Variants in TMC1 observed in about 807,000 individuals in gnomAD.
TMC1 encodes transmembrane channel like 1.
In TMC1, 84 loss-of-function variants were observed where a neutral mutation model predicts 105.8. That is an observed-to-expected ratio of 0.79 (90% CI 0.67 to 0.95). The LOEUF (loss-of-function observed/expected upper bound fraction) is 0.95, where lower values mean the gene tolerates loss of function less well. Among genes scored for constraint, TMC1 ranks in the 40% least tolerant of loss-of-function variants. The pLI is 0.00. For synonymous variants in TMC1, 315 were observed against 311.5 expected (o/e 1.01, Z -0.12); for missense variants, 817 against 914.1 (o/e 0.89, Z 1.37).
chr9:72,575,736 T>C (rs1824368377), intron 1 of TMC1, among the ~76,000 whole-genome samples: 1 of 152,182 alleles, frequency 6.6e-6, no homozygotes, highest in Non-Finnish European at 1.5e-5. Flanking sequence ...GGGGTGGCCC[T>C]GGGTCCTTGA....
chr9:72,796,122 G>C lies in TMC1; in HGVS notation c.1566+3770G>C, dbSNP rs138859206. On this transcript the variant is annotated intron_variant, in intron 17 of 23. Transcript: ENST00000297784. Reference sequence around the variant, plus strand: ...AAGAAGGGCATTACATAATGGTAAAGGGTTCAATGCAACAAGAAGACCTAA... The same window carrying C: ...AAGAAGGGCATTACATAATGGTAAACGGTTCAATGCAACAAGAAGACCTAA... Among the ~76,000 whole-genome samples, 934 of 152,148 alleles carry C rather than the reference G, an allele frequency of 6.1e-3. 2 individuals carry two copies. Among genetic ancestry groups the C allele is most frequent in the Non-Finnish European group, 0.01 (691 of 67,998 alleles).
At chr9:72,610,680 A>G (rs1250039027) in intron 2 of TMC1, among the ~76,000 whole-genome samples, 2 of 152,198 alleles carry the variant, frequency 1.3e-5, no homozygotes, top group South Asian at 2.1e-4. Context: ...CCTCACAGAC[A>G]CACCTAGAAT....
chr9:72,772,642 T>C lies in TMC1; in HGVS notation c.884+87T>C, dbSNP rs1564544622. ...ATTTGGGGATTGGATATAATTTTGTTGCTATTTTATGTCTAAAGGAAACAG... is the reference window on the plus strand; with the variant it reads ...ATTTGGGGATTGGATATAATTTTGTCGCTATTTTATGTCTAAAGGAAACAG... On this transcript the variant is annotated intron_variant, in intron 13 of 23. Transcript: ENST00000297784. The C allele has an allele frequency of 5.8e-6, 9 of 1,544,622 alleles. No individual in the cohort carries two copies. In the Admixed American group the frequency reaches 1.0e-4, roughly 17 times the overall value.
intron 13 of TMC1, among the ~76,000 whole-genome samples, chr9:72,783,508 G>A (rs930386090): frequency 1.3e-5 from 2 of 152,072 alleles, no homozygotes; most frequent in African/African-American, 4.8e-5. Context: ...CTTTGTTTTA[G>A]CCACTGTGGC....
intron 8 of TMC1, among the ~76,000 whole-genome samples, chr9:72,701,429 G>A (rs1473509936): frequency 6.6e-6 from 1 of 152,174 alleles, no homozygotes. Flanking sequence ...TGGTGGTTGG[G>A]AGAGGAGGAA....
intron 2 of TMC1, among the ~76,000 whole-genome samples, chr9:72,607,460 A>G (rs1234528248): frequency 6.6e-6 from 1 of 151,866 alleles, no homozygotes; most frequent in East Asian, 1.9e-4. Flanking sequence ...TCTACTAAAA[A>G]TACAAAAAAT....
chr9:72,629,154 C>T lies in TMC1; in HGVS notation c.-53+1091C>T, dbSNP rs57607817. ...ATTTGTTCCAATAGGGTCTCAAGGA[C>T]GTTAGGTAATTATTCCTATGACATT... On this transcript the variant is annotated intron_variant, in intron 4 of 23. Transcript: ENST00000297784. 9.8e-3 allele frequency among the ~76,000 whole-genome samples: 1,491 copies of T among 152,144 alleles called. 29 individuals are homozygous for T. Among genetic ancestry groups the T allele is most frequent in the African/African-American group, 0.034 (1,420 of 41,514 alleles).
intron 4 of TMC1, among the ~76,000 whole-genome samples, chr9:72,632,101 G>C (rs988427499): frequency 6.6e-6 from 1 of 152,154 alleles, no homozygotes; most frequent in Admixed American, 6.5e-5. Context: ...CATGGTGCCA[G>C]CATCTGCTCC....
At chr9:72,580,418 A>G (rs765458683) in intron 2 of TMC1, among the ~76,000 whole-genome samples, 2 of 152,212 alleles carry the variant, frequency 1.3e-5, no homozygotes, top group African/African-American at 4.8e-5. Context: ...TGCTCATGGT[A>G]TCTGACTGAG....
At chr9:72,645,325 C>T (rs552861426) in intron 4 of TMC1, among the ~76,000 whole-genome samples, 10 of 152,160 alleles carry the variant, frequency 6.6e-5, no homozygotes, top group South Asian at 4.1e-4. Flanking sequence ...GAGCTTTTGA[C>T]GGAAATTTTA....
Position 72,806,371 on chromosome 9 carries a change from C to T in TMC1, c.1695+861C>T, listed in dbSNP as rs575816330. On this transcript the variant is annotated intron_variant, in intron 18 of 23. Coordinates refer to ENST00000297784, the MANE Select transcript of TMC1 (RefSeq NM_138691.3). ...GGGGCTGACCCCCCCACCTCCCTCC[C>T]GGACGGGGCGGCTGGCCGGGCGGGG... 6.9e-3 allele frequency among the ~76,000 whole-genome samples: 967 copies of T among 140,650 alleles called. 19 individuals carry two copies. The highest frequency in any genetic ancestry group is 0.025 in the African/African-American group (917 of 37,238). The allele number at this position is 140,650 out of a possible 152,430, so 92.3% of individuals were successfully genotyped here.
Position 72,658,120 on chromosome 9 carries a change from G to A in TMC1, c.16+9456G>A, listed in dbSNP as rs1825910113. ...TTTAACTCAATATTCAATATATGTT[G>A]ATTACTGAATACAACAAAAAGTGTA... On this transcript the variant is annotated intron_variant, in intron 5 of 23. Coordinates refer to ENST00000297784, the MANE Select transcript of TMC1 (RefSeq NM_138691.3). Among the ~76,000 whole-genome samples the A allele has an allele frequency of 2.0e-5, 3 of 151,960 alleles. No individual in the cohort carries two copies. The South Asian group carries it at 6.2e-4, about 32-fold the overall frequency.
chr9:72,591,213 C>T (rs982022019), intron 2 of TMC1, among the ~76,000 whole-genome samples: 3 of 152,020 alleles, frequency 2.0e-5, no homozygotes, highest in Non-Finnish European at 4.4e-5. Context: ...AGAGGTGGCA[C>T]CTCTACTTAA....
At chr9:72,766,335 T>C (rs891209190) in intron 12 of TMC1, among the ~76,000 whole-genome samples, 1 of 150,188 alleles carries the variant, frequency 6.7e-6, no homozygotes, top group Non-Finnish European at 1.5e-5. Flanking sequence ...AAGAATGGCA[T>C]GAACCCAGGA....
At chr9:72,745,396 T>A (rs1481707832) in intron 10 of TMC1, among the ~76,000 whole-genome samples, 1 of 152,208 alleles carries the variant, frequency 6.6e-6, no homozygotes, top group African/African-American at 2.4e-5. Flanking sequence ...CTTTTTCTTT[T>A]TAAATATGTT....
At chr9:72,706,345 C>A (rs1401383585) in intron 8 of TMC1, among the ~76,000 whole-genome samples, 1 of 152,162 alleles carries the variant, frequency 6.6e-6, no homozygotes, top group African/African-American at 2.4e-5. Context: ...TGAACACACC[C>A]ACCAACATAC....
intron 8 of TMC1, among the ~76,000 whole-genome samples, chr9:72,725,576 GTC>G (rs1330755113): frequency 6.6e-6 from 1 of 151,560 alleles, no homozygotes; most frequent in Non-Finnish European, 1.5e-5. Context: ...GGCTAGGCCA[GTC>G]TCTCATTTTC....
chr9:72,677,988 C>T (rs79830556), intron 5 of TMC1, among the ~76,000 whole-genome samples: 1 of 152,108 alleles, frequency 6.6e-6, no homozygotes, highest in African/African-American at 2.4e-5. Flanking sequence ...ATGGCAGGAA[C>T]TTGAATTTGG....
intron 16 of TMC1, 26 bp from the exon 17 acceptor site, chr9:72,792,165 T>G: frequency 6.2e-7 from 1 of 1,614,132 alleles, no homozygotes; most frequent in Non-Finnish European, 8.5e-7. Flanking sequence ...TGTCTTCATT[T>G]TAGTTTCTAT....
Sources: allele counts gnomAD v4.1 joint callset (sites outside exome capture counted in the v4.1 genomes callset), GRCh38; gene constraint gnomAD v4.1.1; transcripts MANE v1.5; gene names NCBI Gene and HGNC (gene_info 2026-07-23, HGNC 2026-07-21).